The following TET1 variants were observed in gnomAD, a reference collection of about 807,000 sequenced individuals.
TET1 encodes methylcytosine dioxygenase TET1.
In TET1, 13 loss-of-function variants were observed where a neutral mutation model predicts 148.7. The ratio of observed to expected loss-of-function variants is 0.09; its 90% CI spans 0.06 to 0.14. The LOEUF (loss-of-function observed/expected upper bound fraction) is 0.14, where lower values mean the gene tolerates loss of function less well. Ranked by LOEUF, TET1 falls within the 10% of genes least tolerant of loss-of-function variation. The probability of loss-of-function intolerance (pLI) is 1.00; values close to 1 mark genes in which losing one functional copy is unlikely to be tolerated. For synonymous variants in TET1, 907 were observed against 937.2 expected (o/e 0.97, Z 0.59); for missense variants, 2,182 against 2,553.8 (o/e 0.85, Z 3.14).
chr10:68,564,621 T>A (rs1038902818), intron 1 of TET1, among the ~76,000 whole-genome samples: 1 of 152,246 alleles, frequency 6.6e-6, no homozygotes, highest in Admixed American at 6.5e-5. Flanking sequence ...TGGCCAATGA[T>A]AGATGCTTAA....
At chr10:68,689,151 A>G (rs1445233432) in intron 11 of TET1, among the ~76,000 whole-genome samples, 5 of 152,092 alleles carry the variant, frequency 3.3e-5, no homozygotes, top group Admixed American at 6.5e-5. Context: ...AACCTCTATA[A>G]TAATAGTGCC....
rs1379443268 is a variant in TET1, at chr10:68,693,829, C to T, written c.*2015C>T. Reference sequence around the variant, plus strand: ...TTTAGATTTTAGGCCTTAGCTCCCACTAGAAATTATTTCTTCACCAGATTT... The same window carrying T: ...TTTAGATTTTAGGCCTTAGCTCCCATTAGAAATTATTTCTTCACCAGATTT... On this transcript the variant is annotated 3_prime_UTR_variant, in exon 12 of 12. Transcript: ENST00000373644. 8.6e-6 allele frequency: 2 copies of T among 231,300 alleles called. No individual in the cohort carries two copies. The highest frequency in any genetic ancestry group is 4.4e-5 in the African/African-American group (2 of 45,266). The allele number at this position is 231,300 out of a possible 1,614,324, so 14.3% of individuals were successfully genotyped here. A position where few individuals can be genotyped will look rare whatever the true frequency, so the allele number is the denominator to read the frequency against.
intron 2 of TET1, among the ~76,000 whole-genome samples, chr10:68,577,781 A>G (rs1466999903): frequency 6.6e-6 from 1 of 152,154 alleles, no homozygotes; most frequent in African/African-American, 2.4e-5. Context: ...GCACTCCAGC[A>G]TGGGCGACAG....
intron 10 of TET1, among the ~76,000 whole-genome samples, chr10:68,686,117 A>G (rs2055505154): frequency 6.6e-6 from 1 of 152,242 alleles, no homozygotes; most frequent in African/African-American, 2.4e-5. Flanking sequence ...TTATAACGTT[A>G]TATTTACTTA....
At chr10:68,667,348 T>C in intron 7 of TET1, 92 bp downstream of exon 7, 1 of 1,043,960 alleles carries the variant, frequency 9.6e-7, no homozygotes, top group Non-Finnish European at 1.4e-6. Flanking sequence ...GTATATTATA[T>C]GGGAGAATAG....
At chr10:68,657,683 A>G (rs1022347742) in intron 6 of TET1, among the ~76,000 whole-genome samples, 5 of 152,188 alleles carry the variant, frequency 3.3e-5, no homozygotes, top group African/African-American at 1.2e-4. Flanking sequence ...ATCTTGAAAT[A>G]GTATGGCTAT....
Position 68,560,525 on chromosome 10 carries a change from G to A in TET1, c.-340G>A, listed in dbSNP as rs1255271388. ...CAGCCCTACCTGCCTCTCCACTGTGGACCTTTGGGAACCGACTCCTCACCT... is the reference window on the plus strand; with the variant it reads ...CAGCCCTACCTGCCTCTCCACTGTGAACCTTTGGGAACCGACTCCTCACCT... On this transcript the variant is annotated 5_prime_UTR_variant, in exon 1 of 12. Coordinates refer to ENST00000373644, the MANE Select transcript of TET1 (RefSeq NM_030625.3). 6.6e-6 allele frequency: 1 copy of A among 152,352 alleles called. No individual in the cohort carries two copies. The highest frequency in any genetic ancestry group is 1.5e-5 in the Non-Finnish European group (1 of 68,140). The allele number at this position is 152,352 out of a possible 1,614,324, so 9.4% of individuals were successfully genotyped here. A position where few individuals can be genotyped will look rare whatever the true frequency, so the allele number is the denominator to read the frequency against.
chr10:68,666,672 C>G (rs1246811296), intron 6 of TET1, among the ~76,000 whole-genome samples: 1 of 152,136 alleles, frequency 6.6e-6, no homozygotes, highest in Non-Finnish European at 1.5e-5. Context: ...TTTGTTCTGC[C>G]TGTTGTTTGT....
At chr10:68,677,422 T>C (rs979043435) in intron 8 of TET1, among the ~76,000 whole-genome samples, 20 of 152,228 alleles carry the variant, frequency 1.3e-4, no homozygotes, top group African/African-American at 4.6e-4. Context: ...CAAAACTATA[T>C]TGACATGGTT....
rs1564947670 is a variant in TET1, at chr10:68,572,392, A to G, written c.54A>G (p.Val18=). The part of the protein sequence containing the change: ...RPSRLVRKED[V]NKKKKNSQLR... Reference sequence around the variant, plus strand: ...CCAGATTAGTCAGGAAGGAAGATGTAAACAAAAAAAAGAAAAACAGCCAAC... The same window carrying G: ...CCAGATTAGTCAGGAAGGAAGATGTGAACAAAAAAAAGAAAAACAGCCAAC... The change falls in exon 2 of 12, where the codon GTA becomes GTG. Residue 18 remains valine (V), a synonymous_variant. Transcript: ENST00000373644. 1 of 1,611,920 alleles carries G rather than the reference A, an allele frequency of 6.2e-7. No individual in the cohort carries two copies. Among genetic ancestry groups the G allele is most frequent in the East Asian group, 2.2e-5 (1 of 44,874 alleles).
At chr10:68,580,223 C>T (rs1327015296) in intron 2 of TET1, among the ~76,000 whole-genome samples, 7 of 151,510 alleles carry the variant, frequency 4.6e-5, no homozygotes, top group Admixed American at 6.6e-5. Context: ...CCACTGTGCC[C>T]GGCCGAGTCT....
intron 3 of TET1, among the ~76,000 whole-genome samples, chr10:68,610,418 C>CT: frequency 6.6e-6 from 1 of 151,458 alleles, no homozygotes; most frequent in South Asian, 2.1e-4. Context: ...CCCATCTCTA[C>CT]TAAAAAAAAG....
At chr10:68,678,578 C>T (rs1455103959) in intron 8 of TET1, among the ~76,000 whole-genome samples, 1 of 148,986 alleles carries the variant, frequency 6.7e-6, no homozygotes, top group East Asian at 2.0e-4. Flanking sequence ...GGTGAAACTC[C>T]GTCTCCACTA....
intron 3 of TET1, among the ~76,000 whole-genome samples, chr10:68,624,654 T>TC (rs2054438319): frequency 6.8e-5 from 4 of 58,442 alleles, no homozygotes; most frequent in East Asian, 7.6e-4. Flanking sequence ...CTTTCTTTCT[T>TC]TCTTTCTCTC....
In TET1 at chr10:68,694,290, T is replaced by C. The variant is rs1027999606; in HGVS notation, c.*2476T>C. 1 of 232,578 alleles carries C rather than the reference T, an allele frequency of 4.3e-6. No homozygotes were observed. The highest frequency in any genetic ancestry group is 8.5e-6 in the Non-Finnish European group (1 of 117,772). The allele number at this position is 232,578 out of a possible 1,614,324, so 14.4% of individuals were successfully genotyped here. On this transcript the variant is annotated 3_prime_UTR_variant, in exon 12 of 12. Transcript: ENST00000373644. The stretch of plus-strand genomic sequence containing the variant: ...TGATTACCCCACTGTGGGAACCAAA[T>C]TGGATTCCTACTTTGTTGGACTCTC...
At chr10:68,653,480 G>A (rs925622942) in intron 6 of TET1, among the ~76,000 whole-genome samples, 4 of 152,058 alleles carry the variant, frequency 2.6e-5, no homozygotes, top group African/African-American at 4.8e-5. Flanking sequence ...TAAACACCAC[G>A]TTTCATTACA....
In TET1 at chr10:68,626,741, G is replaced by A. The variant is rs530248639; in HGVS notation, c.1969-17957G>A. ...ATTTTTTTATATTTTTGGTAGAGAC[G>A]GGGCTTCACCATGTTAGTCAGGCTG... On this transcript the variant is annotated intron_variant, in intron 3 of 11. Coordinates refer to ENST00000373644, the MANE Select transcript of TET1 (RefSeq NM_030625.3). Among the ~76,000 whole-genome samples the A allele has an allele frequency of 1.2e-3, 184 of 149,000 alleles. No individual in the cohort carries two copies. In the South Asian group the frequency reaches 0.022, roughly 18 times the overall value.
At chr10:68,584,749 C>T (rs2053841465) in intron 2 of TET1, among the ~76,000 whole-genome samples, 1 of 151,906 alleles carries the variant, frequency 6.6e-6, no homozygotes, top group African/African-American at 2.4e-5. Flanking sequence ...GTAAACCATA[C>T]ATTTTATTCC....
chr10:68,566,920 T>C (rs1345792941), intron 1 of TET1, among the ~76,000 whole-genome samples: 1 of 152,102 alleles, frequency 6.6e-6, no homozygotes, highest in African/African-American at 2.4e-5. Context: ...GCTAAGCCTT[T>C]ACACATATTA....
Sources: allele counts gnomAD v4.1 joint callset (sites outside exome capture counted in the v4.1 genomes callset), GRCh38; gene constraint gnomAD v4.1.1; transcripts MANE v1.5; gene names NCBI Gene and HGNC (gene_info 2026-07-23, HGNC 2026-07-21).